FCRLB: variants seen among roughly 807,000 people sequenced by gnomAD.
The protein encoded by FCRLB is Fc receptor-like B.
A neutral mutation model predicts 33.6 loss-of-function variants in FCRLB; 34 were observed. The ratio of observed to expected loss-of-function variants is 1.01; its 90% CI spans 0.77 to 1.35. The LOEUF is 1.35. FCRLB is among the 40% of genes most tolerant of loss of function. The pLI is 0.00. For synonymous variants in FCRLB, 280 were observed against 255.9 expected (o/e 1.09, Z -0.90); for missense variants, 560 against 580.2 (o/e 0.97, Z 0.36).
chr1:161,723,859 G>A (rs915512354), intron 5 of FCRLB, among the ~76,000 whole-genome samples: 61 of 152,198 alleles, frequency 4.0e-4, no homozygotes, highest in Non-Finnish European at 6.9e-4. Flanking sequence ...GGCACAGTGT[G>A]AACATTTCTG....
At position 161,722,729 on chromosome 1, in the gene FCRLB, G is replaced by T. The variant is rs41270863; in HGVS notation, c.31+26G>T. ...GTGAGTCCACAGTGAGGCAGCAGAA[G>T]AGCTTTGGGTGGTGGAGAATAGGGT... On this transcript the variant is annotated intron_variant, in intron 3 of 7. Transcript: ENST00000367948. 1,410 of 1,613,612 alleles carry T rather than the reference G, an allele frequency of 8.7e-4. 4 individuals are homozygous for T. Among genetic ancestry groups the T allele is most frequent in the Non-Finnish European group, 5.9e-4 (693 of 1,179,670 alleles).
intron 7 of FCRLB, 120 bp downstream of exon 7, chr1:161,727,113 T>G: frequency 1.2e-6 from 1 of 853,074 alleles, no homozygotes. Context: ...CTTTCCCATC[T>G]CCCCTTCGCC....
intron 5 of FCRLB, among the ~76,000 whole-genome samples, chr1:161,724,703 A>G (rs1231894846): frequency 6.6e-6 from 1 of 152,214 alleles, no homozygotes; most frequent in Non-Finnish European, 1.5e-5. Flanking sequence ...CTATAGGAGT[A>G]ATTACTGCTT....
At chr1:161,723,873 G>A (rs1455872300) in intron 5 of FCRLB, among the ~76,000 whole-genome samples, 1 of 152,196 alleles carries the variant, frequency 6.6e-6, no homozygotes, top group Non-Finnish European at 1.5e-5. Flanking sequence ...ATTTCTGTTT[G>A]TTTCTGAGAC....
exon 5 of FCRLB, chr1:161,723,374 G>A: frequency 6.2e-7 from 1 of 1,614,014 alleles, no homozygotes; most frequent in Non-Finnish European, 8.5e-7. Context: ...CAGCTACTCT[G>A]GAGAAGCCCA....
chr1:161,725,680 G>A, intron 5 of FCRLB, 141 bp from the exon 6 acceptor site: 7 of 1,071,054 alleles, frequency 6.5e-6, no homozygotes, highest in Non-Finnish European at 8.0e-6. Flanking sequence ...GAAAGAAAAA[G>A]AAAAGAAAAG....
intron 3 of FCRLB, 132 bp from the exon 4 acceptor site, chr1:161,722,857 C>A: frequency 6.7e-7 from 1 of 1,494,602 alleles, no homozygotes. Context: ...TTTCTCAGAG[C>A]TTGGGAAACC....
At chr1:161,725,425 G>A (rs1237024956) in intron 5 of FCRLB, among the ~76,000 whole-genome samples, 1 of 152,184 alleles carries the variant, frequency 6.6e-6, no homozygotes, top group African/African-American at 2.4e-5. Context: ...CGTATCACCT[G>A]AGGTCAGGAG....
At chr1:161,721,847 G>T (rs986954606) in exon 2 of FCRLB, 2 of 152,268 alleles carry the variant, frequency 1.3e-5, no homozygotes, top group Non-Finnish European at 2.9e-5. Context: ...CTTCTCTGCT[G>T]CAGGTCAGGA....
exon 8 of FCRLB, chr1:161,727,935 C>G: frequency 2.4e-6 from 1 of 418,480 alleles, no homozygotes; most frequent in Non-Finnish European, 4.3e-6. Context: ...TTTAGTCACC[C>G]TTAGCCCTTC....
Position 161,722,528 on chromosome 1 carries a change from T to C in FCRLB, c.-20-125T>C, listed in dbSNP as rs1683403929. 3.4e-6 allele frequency: 3 copies of C among 888,906 alleles called. No homozygotes were observed. In the Admixed American group the frequency reaches 6.0e-5, roughly 18 times the overall value. The allele number at this position is 888,906 out of a possible 1,614,324, so 55.1% of individuals were successfully genotyped here. ...CTGTCTCCCACTGGTTCTGGTCTGC[T>C]ATCTTCAGGAACTAGGAGTGGGTGG... On this transcript the variant is annotated intron_variant, in intron 2 of 7. Coordinates refer to ENST00000367948, the Ensembl canonical transcript of FCRLB.
rs1001245698 is a variant in FCRLB, at chr1:161,721,833, G to A, written c.-38G>A. On this transcript the variant is annotated 5_prime_UTR_variant, in exon 2 of 8. The change creates a new upstream start codon in the 5' untranslated region. Transcript: ENST00000367948. ...GAGAGGCTTCTGAGGGGCCGATGCA[G>A]TGACTTCTCTGCTGCAGGTCAGGAG... The A allele has an allele frequency of 6.6e-6, 1 of 152,258 alleles. No individual in the cohort carries two copies. The highest frequency in any genetic ancestry group is 2.4e-5 in the African/African-American group (1 of 41,434). The allele number at this position is 152,258 out of a possible 1,614,324, so 9.4% of individuals were successfully genotyped here. A position where few individuals can be genotyped will look rare whatever the true frequency, so the allele number is the denominator to read the frequency against.
At position 161,726,664 on chromosome 1, in the gene FCRLB, T is replaced by C; in HGVS notation, c.575-39T>C. ...AGGAAGGAGCGGGGTCGCGGAGCGGTGGACAAGCCGGCGCCGTTGCTCCCC... is the reference window on the plus strand; with the variant it reads ...AGGAAGGAGCGGGGTCGCGGAGCGGCGGACAAGCCGGCGCCGTTGCTCCCC... On this transcript the variant is annotated intron_variant, in intron 6 of 7. Coordinates refer to ENST00000367948, the Ensembl canonical transcript of FCRLB. This position sits in a 1 kb window ranked among gnomAD's most constrained non-coding sequence, Gnocchi z 5.2. 6.4e-7 allele frequency: 1 copy of C among 1,559,046 alleles called. No homozygotes were observed.
Position 161,726,276 on chromosome 1 carries a change from T to C in FCRLB, c.574+189T>C, listed in dbSNP as rs1416702991. ...CTTGATCCGCCGCCTGCTTGGAGGC[T>C]GGTCCCTTTCCCCGACGCACATCCT... On this transcript the variant is annotated intron_variant, in intron 6 of 7. Transcript: ENST00000367948. The surrounding 1 kb of genome is among the most constrained non-coding windows in gnomAD (Gnocchi z 5.2). 1.9e-6 allele frequency: 2 copies of C among 1,038,314 alleles called. No individual in the cohort carries two copies. The highest frequency in any genetic ancestry group is 3.2e-5 in the African/African-American group (2 of 63,380). The allele number at this position is 1,038,314 out of a possible 1,614,324, so 64.3% of individuals were successfully genotyped here.
In FCRLB at chr1:161,726,197, A is replaced by T. The variant is rs746469032; in HGVS notation, c.574+110A>T. 6.5e-7 allele frequency: 1 copy of T among 1,535,694 alleles called. No individual in the cohort carries two copies. The highest frequency in any genetic ancestry group is 8.9e-7 in the Non-Finnish European group (1 of 1,121,452). Reference sequence around the variant, plus strand: ...GGAAGTTCAAATAGCTGCCACTTGGAGGGTTTCTCTTAGACTATGGACGCT... The same window carrying T: ...GGAAGTTCAAATAGCTGCCACTTGGTGGGTTTCTCTTAGACTATGGACGCT... On this transcript the variant is annotated intron_variant, in intron 6 of 7. Coordinates refer to ENST00000367948, the Ensembl canonical transcript of FCRLB. The surrounding 1 kb of genome is among the most constrained non-coding windows in gnomAD (Gnocchi z 5.2).
chr1:161,723,572 G>C (rs752480579), exon 5 of FCRLB: 1 of 1,614,200 alleles, frequency 6.2e-7, no homozygotes, highest in East Asian at 2.2e-5. Context: ...ATCGATGCCA[G>C]ACACGGGGAG....
At chr1:161,722,812 A>G (rs933053805) in intron 3 of FCRLB, 109 bp downstream of exon 3, 14 of 1,527,958 alleles carry the variant, frequency 9.2e-6, no homozygotes, top group African/African-American at 2.8e-5. Context: ...CAAGTGGTTC[A>G]TTATCTTTTT....
exon 8 of FCRLB, chr1:161,727,764 T>A (rs1055599403): frequency 3.0e-5 from 42 of 1,412,164 alleles, no homozygotes; most frequent in Admixed American, 2.8e-4. Context: ...CCTTGTGTTT[T>A]GCTGTGGTTT....
chr1:161,726,038 G>A lies in FCRLB; in HGVS notation c.525G>A (p.Pro175=), dbSNP rs1392645495. 6.2e-7 allele frequency: 1 copy of A among 1,613,442 alleles called. No homozygotes were observed. Among genetic ancestry groups the A allele is most frequent in the Non-Finnish European group, 8.5e-7 (1 of 1,179,534 alleles). ...AGTGCTCGGGCACCATGCGCATCCC[G>A]GTGGAGAGCGCGCCCATGTTCTCCG... is the stretch of plus-strand genomic sequence containing the variant. The change falls in exon 6 of 8, where the codon CCG becomes CCA. Residue 175 remains proline (P), a synonymous_variant. Transcript: ENST00000367948. This position sits in a 1 kb window ranked among gnomAD's most constrained non-coding sequence, Gnocchi z 5.2.
Sources: gnomAD v4.1 joint callset for allele counts (sites outside exome capture counted in the v4.1 genomes callset) on GRCh38, gnomAD v4.1.1 for gene constraint, Gnocchi (gnomAD v3.1) non-coding constraint, MANE v1.5 for transcripts, NCBI Gene and HGNC (gene_info 2026-07-23, HGNC 2026-07-21) for gene names.